The following COMMD2 variants were observed in gnomAD, a reference collection of about 807,000 sequenced individuals.
The protein encoded by COMMD2 is COMM domain-containing protein 2.
Under a neutral mutation model 22.5 loss-of-function variants are expected in COMMD2, and 25 were observed. The observed-to-expected ratio is 1.11, with a 90% CI of 0.81 to 1.55. COMMD2 has a LOEUF of 1.55. Among genes scored for constraint, COMMD2 ranks in the 40% most tolerant of loss-of-function variants. The probability of loss-of-function intolerance (pLI) is 0.00; values close to 1 mark genes in which losing one functional copy is unlikely to be tolerated. For missense variants in COMMD2, 223 were observed against 232.9 expected (o/e 0.96, Z 0.28); for synonymous variants, 98 against 91.2 (o/e 1.07, Z -0.42).
At chr3:149,745,282 A>G (rs1370806638) in intron 4 of COMMD2, among the ~76,000 whole-genome samples, 2 of 152,212 alleles carry the variant, frequency 1.3e-5, no homozygotes, top group Non-Finnish European at 2.9e-5. Flanking sequence ...CACCTGGCAC[A>G]TGTTAGGGGT....
chr3:149,741,335 G>T lies in COMMD2; in HGVS notation c.*186C>A. The T allele has an allele frequency of 1.7e-6, 1 of 572,928 alleles. No homozygotes were observed. Among genetic ancestry groups the T allele is most frequent in the Non-Finnish European group, 3.1e-6 (1 of 326,742 alleles). The allele number at this position is 572,928 out of a possible 1,614,324, so 35.5% of individuals were successfully genotyped here. On this transcript the variant is annotated 3_prime_UTR_variant, in exon 5 of 5. Coordinates refer to ENST00000473414, the MANE Select transcript of COMMD2 (RefSeq NM_016094.4). ...CCCACCTCGGCCTCCCAAAGTGCTGGGATAACTGGCATGAGCCACTGCACC... is the reference window on the plus strand; with the variant it reads ...CCCACCTCGGCCTCCCAAAGTGCTGTGATAACTGGCATGAGCCACTGCACC...
chr3:149,752,113 C>G (rs1716547790), intron 2 of COMMD2, 97 bp downstream of exon 2: 1 of 1,008,880 alleles, frequency 9.9e-7, no homozygotes, highest in Admixed American at 2.0e-5. Flanking sequence ...CGGAACAAGA[C>G]CCTAGGACTC....
At chr3:149,746,225 C>CT (rs967561670) in intron 4 of COMMD2, among the ~76,000 whole-genome samples, 27 of 151,528 alleles carry the variant, frequency 1.8e-4, no homozygotes, top group African/African-American at 6.0e-4. Flanking sequence ...AAATTTCCTA[C>CT]TTTTTTTTTC....
At chr3:149,751,352 G>T in intron 3 of COMMD2, 51 bp downstream of exon 3, 1 of 1,613,210 alleles carries the variant, frequency 6.2e-7, no homozygotes, top group South Asian at 1.1e-5. Context: ...GAGTACACCA[G>T]ACCGTTCTTA....
chr3:149,752,096 C>A (rs1716547415), intron 2 of COMMD2, 114 bp downstream of exon 2: 5 of 851,716 alleles, frequency 5.9e-6, no homozygotes, highest in Non-Finnish European at 9.3e-6. Flanking sequence ...TTTTATTCTA[C>A]TACAATCGGA....
rs1716198442 is a variant in COMMD2 at position 149,741,027 on chromosome 3, C to T, written c.*494G>A. ...CACCAGGAAAGGAACTTTACTTTAG[C>T]TTCTGATTACTTTTTTATTTTTATT... On this transcript the variant is annotated 3_prime_UTR_variant, in exon 5 of 5. Transcript: ENST00000473414. 2 of 152,344 alleles carry T rather than the reference C, an allele frequency of 1.3e-5. No individual in the cohort carries two copies. The highest frequency in any genetic ancestry group is 4.2e-4 in the South Asian group (2 of 4,818). 9.4% of individuals were successfully genotyped at this position (152,344 alleles called of 1,614,324 possible). A position where few individuals can be genotyped will look rare whatever the true frequency, so the allele number is the denominator to read the frequency against.
chr3:149,747,494 T>C (rs1443411331), intron 4 of COMMD2, among the ~76,000 whole-genome samples: 1 of 152,228 alleles, frequency 6.6e-6, no homozygotes, highest in Non-Finnish European at 1.5e-5. Flanking sequence ...TGACAAATGC[T>C]GTCAATAAAC....
chr3:149,746,667 C>T (rs1716379723), intron 4 of COMMD2, among the ~76,000 whole-genome samples: 1 of 151,724 alleles, frequency 6.6e-6, no homozygotes, highest in South Asian at 2.1e-4. Context: ...CCTGTAATCC[C>T]AGCTACTCAG....
intron 4 of COMMD2, among the ~76,000 whole-genome samples, chr3:149,742,965 C>A (rs1262819553): frequency 1.0e-4 from 12 of 120,102 alleles, no homozygotes; most frequent in Admixed American, 1.7e-4. Context: ...GACTCTATCT[C>A]AAAAAAAAAA....
Position 149,739,279 on chromosome 3 carries a change from A to G in COMMD2, c.*2242T>C, listed in dbSNP as rs1412002998. Reference sequence around the variant, plus strand: ...AAATATCAAATGTTATATAAAACAAACAATGCAGGGGAATCCACAAGGATG... The same window carrying G: ...AAATATCAAATGTTATATAAAACAAGCAATGCAGGGGAATCCACAAGGATG... On this transcript the variant is annotated 3_prime_UTR_variant, in exon 5 of 5. Coordinates refer to ENST00000473414, the MANE Select transcript of COMMD2 (RefSeq NM_016094.4). The G allele has an allele frequency of 6.6e-6, 1 of 152,230 alleles. No individual in the cohort carries two copies. Among genetic ancestry groups the G allele is most frequent in the Admixed American group, 6.6e-5 (1 of 15,266 alleles). The allele number at this position is 152,230 out of a possible 1,614,324, so 9.4% of individuals were successfully genotyped here.
At chr3:149,748,457 C>A (rs1186415785) in intron 4 of COMMD2, among the ~76,000 whole-genome samples, 1 of 151,958 alleles carries the variant, frequency 6.6e-6, no homozygotes. Context: ...AACAAAAAAC[C>A]AAAAAACCAG....
chr3:149,749,789 G>T (rs1390605585), intron 4 of COMMD2, among the ~76,000 whole-genome samples: 1 of 150,362 alleles, frequency 6.7e-6, no homozygotes, highest in African/African-American at 2.5e-5. Flanking sequence ...AACTACACGT[G>T]TTGTTGTTGT....
At chr3:149,746,588 G>A (rs933934664) in intron 4 of COMMD2, among the ~76,000 whole-genome samples, 2 of 150,644 alleles carry the variant, frequency 1.3e-5, no homozygotes, top group African/African-American at 2.4e-5. Context: ...TGGCTAACAG[G>A]GTGAAACCCT....
At position 149,750,712 on chromosome 3, in the gene COMMD2, C is replaced by A; in HGVS notation, c.368G>T (p.Ser123Ile). ...ILSELAPSLP[S>I]YHNLEWRLDV... ...TAGTCGCCATTCAAGGTTATGATAA[C>A]TGGGAAGGCTTGGTGCCAATTCACT... Residue 123 changes from serine to isoleucine, a missense_variant, in exon 4 of 5, where the codon AGT (serine) becomes ATT (isoleucine). Coordinates refer to ENST00000473414, the MANE Select transcript of COMMD2 (RefSeq NM_016094.4). The A allele has an allele frequency of 6.3e-7, 1 of 1,592,480 alleles. No homozygotes were observed. The highest frequency in any genetic ancestry group is 8.6e-7 in the Non-Finnish European group (1 of 1,168,706).
At chr3:149,744,613 C>T (rs1716316537) in intron 4 of COMMD2, among the ~76,000 whole-genome samples, 1 of 152,210 alleles carries the variant, frequency 6.6e-6, no homozygotes, top group South Asian at 2.1e-4. Flanking sequence ...CCATCACTAC[C>T]AGTCTCCATG....
chr3:149,742,795 T>C (rs2108248656), intron 4 of COMMD2, among the ~76,000 whole-genome samples: 1 of 151,898 alleles, frequency 6.6e-6, no homozygotes, highest in Admixed American at 6.6e-5. Context: ...AGTGAAACCC[T>C]GTCTCTACTA....
intron 4 of COMMD2, among the ~76,000 whole-genome samples, chr3:149,749,129 C>T (rs1716455127): frequency 6.6e-6 from 1 of 152,100 alleles, no homozygotes; most frequent in Non-Finnish European, 1.5e-5. Context: ...ATTCTCCTGC[C>T]TCAGCCTCCC....
rs1716216900 is a variant in COMMD2 at position 149,741,323 on chromosome 3, C to T, written c.*198G>A. On this transcript the variant is annotated 3_prime_UTR_variant, in exon 5 of 5. Coordinates refer to ENST00000473414, the MANE Select transcript of COMMD2 (RefSeq NM_016094.4). ...CCTCATGATTTGCCCACCTCGGCCT[C>T]CCAAAGTGCTGGGATAACTGGCATG... is the stretch of plus-strand genomic sequence containing the variant. The T allele has an allele frequency of 3.7e-6, 2 of 541,574 alleles. No individual in the cohort carries two copies. The highest frequency in any genetic ancestry group is 3.1e-5 in the Admixed American group (1 of 32,388). 33.5% of individuals were successfully genotyped at this position (541,574 alleles called of 1,614,324 possible).
chr3:149,750,623 C>T, intron 4 of COMMD2, 55 bp downstream of exon 4: 7 of 1,312,518 alleles, frequency 5.3e-6, no homozygotes, highest in Non-Finnish European at 7.3e-6. Flanking sequence ...AAACAGGACA[C>T]AAACCTAAAA....
Sources: allele counts gnomAD v4.1 joint callset (sites outside exome capture counted in the v4.1 genomes callset), GRCh38; gene constraint gnomAD v4.1.1; transcripts MANE v1.5; gene names NCBI Gene and HGNC (gene_info 2026-07-23, HGNC 2026-07-21).